The following CDKN1A variants were observed in gnomAD, a reference collection of about 807,000 sequenced individuals.
CDKN1A encodes the protein cyclin-dependent kinase inhibitor 1.
CDKN1A carries 14 observed loss-of-function variants against 14.8 expected under a neutral mutation model. That is an observed-to-expected ratio of 0.94 (90% CI 0.62 to 1.48). The LOEUF (loss-of-function observed/expected upper bound fraction) is 1.48. Among genes scored for constraint, CDKN1A ranks in the 40% most tolerant of loss-of-function variants. The pLI is 0.00. For synonymous variants in CDKN1A, 92 were observed against 93.5 expected (o/e 0.98, Z 0.09); for missense variants, 203 against 231.7 (o/e 0.88, Z 0.80).
Position 36,684,682 on chromosome 6 carries a change from C to T in CDKN1A, c.445+136C>T. Reference sequence around the variant, plus strand: ...CAGGCCCAGAGAGGGGAAGCAACCTCCCTGAGGTCACACAGCAAGTAGGCA... The same window carrying T: ...CAGGCCCAGAGAGGGGAAGCAACCTTCCTGAGGTCACACAGCAAGTAGGCA... On this transcript the variant is annotated intron_variant, in intron 2 of 2. Transcript: ENST00000244741. This position sits in a 1 kb window ranked among gnomAD's most constrained non-coding sequence, Gnocchi z 6.0. 1.2e-6 allele frequency: 1 copy of T among 809,598 alleles called. No individual in the cohort carries two copies. The highest frequency in any genetic ancestry group is 2.1e-6 in the Non-Finnish European group (1 of 486,110). 50.2% of individuals were successfully genotyped at this position (809,598 alleles called of 1,614,324 possible). A position where few individuals can be genotyped will look rare whatever the true frequency, so the allele number is the denominator to read the frequency against.
rs761004279 is a variant in CDKN1A, at chr6:36,684,533, G to T, written c.432G>T (p.Gln144His). The T allele has an allele frequency of 6.2e-7, 1 of 1,614,126 alleles. No homozygotes were observed. Among genetic ancestry groups the T allele is most frequent in the South Asian group, 1.1e-5 (1 of 91,064 alleles). Residue 144 changes from glutamine to histidine, a missense_variant, in exon 2 of 3, where the codon CAG becomes CAT. Physicochemically the swap from Gln to His is conservative, Grantham distance 24 (BLOSUM62 0). Transcript: ENST00000244741. The surrounding 1 kb of genome is among the most constrained non-coding windows in gnomAD (Gnocchi z 6.0). Reference sequence around the variant, plus strand: ...ACTCTCAGGGTCGAAAACGGCGGCAGACCAGCATGACAGGTGCGGACATGT... The same window carrying T: ...ACTCTCAGGGTCGAAAACGGCGGCATACCAGCATGACAGGTGCGGACATGT... ...PGDSQGRKRR[Q>H]TSMTDFYHSK... is the part of the protein sequence containing the mutation.
intron 1 of CDKN1A, among the ~76,000 whole-genome samples, chr6:36,683,562 T>G (rs1413145222): frequency 2.6e-5 from 4 of 152,262 alleles, no homozygotes; most frequent in Non-Finnish European, 5.9e-5. Flanking sequence ...GGGTGCTTTT[T>G]GCCCCAAAGT....
At position 36,685,938 on chromosome 6, in the gene CDKN1A, T is replaced by C; in HGVS notation, c.*138T>C. 1.2e-6 allele frequency: 1 copy of C among 850,584 alleles called. No homozygotes were observed. Among genetic ancestry groups the C allele is most frequent in the Non-Finnish European group, 2.0e-6 (1 of 510,518 alleles). 52.7% of individuals were successfully genotyped at this position (850,584 alleles called of 1,614,324 possible). On this transcript the variant is annotated 3_prime_UTR_variant, in exon 3 of 3. Transcript: ENST00000244741. ...TAAACACCTCCTCATGTACATACCC[T>C]GGCCGCCCCCTGCCCCCCAGCCTCT...
chr6:36,686,021 C>G lies in CDKN1A; in HGVS notation c.*221C>G. ...GTTGAATGAGAGGTTCCTAAGAGTG[C>G]TGGGCATTTTTATTTTATGAAATAC... On this transcript the variant is annotated 3_prime_UTR_variant, in exon 3 of 3. Coordinates refer to ENST00000244741, the MANE Select transcript of CDKN1A (RefSeq NM_000389.5). The surrounding 1 kb of genome is among the most constrained non-coding windows in gnomAD (Gnocchi z 4.9). The G allele has an allele frequency of 1.7e-6, 1 of 596,778 alleles. No individual in the cohort carries two copies. The highest frequency in any genetic ancestry group is 3.0e-6 in the Non-Finnish European group (1 of 335,554). 37.0% of individuals were successfully genotyped at this position (596,778 alleles called of 1,614,324 possible).
At position 36,687,329 on chromosome 6, in the gene CDKN1A, T is replaced by G; in HGVS notation, c.*1529T>G. ...TGCTCAATAAATGATTCTTAGTGAC[T>G]TTACTTGTAATATTACTATTGTGGT... On this transcript the variant is annotated 3_prime_UTR_variant, in exon 3 of 3. Coordinates refer to ENST00000244741, the MANE Select transcript of CDKN1A (RefSeq NM_000389.5). The G allele has an allele frequency of 4.3e-6, 1 of 230,698 alleles. No individual in the cohort carries two copies. The highest frequency in any genetic ancestry group is 8.6e-6 in the Non-Finnish European group (1 of 116,462). 14.3% of individuals were successfully genotyped at this position (230,698 alleles called of 1,614,324 possible).
rs1284059794 is a variant in CDKN1A at position 36,678,717 on chromosome 6, G to A, written c.-87G>A. The A allele has an allele frequency of 1.0e-6, 1 of 985,426 alleles. No individual in the cohort carries two copies. The highest frequency in any genetic ancestry group is 1.2e-6 in the Non-Finnish European group (1 of 830,004). 61.0% of individuals were successfully genotyped at this position (985,426 alleles called of 1,614,324 possible). ...GCCGCGCTGAGCTGCGCCAGCTGAG[G>A]TGTGAGCAGCTGCCGAAGTCAGTTC... On this transcript the variant is annotated 5_prime_UTR_variant, in exon 1 of 3. In the 5' UTR this introduces an upstream ATG that the reference lacks. Coordinates refer to ENST00000244741, the MANE Select transcript of CDKN1A (RefSeq NM_000389.5). The surrounding 1 kb of genome is among the most constrained non-coding windows in gnomAD (Gnocchi z 5.7).
intron 1 of CDKN1A, among the ~76,000 whole-genome samples, chr6:36,679,866 T>C (rs1207691224): frequency 2.6e-5 from 1 of 38,258 alleles, no homozygotes; most frequent in African/African-American, 9.6e-5. Context: ...CTTTGAGGGG[T>C]GGGGGGTCTG....
intron 1 of CDKN1A, among the ~76,000 whole-genome samples, chr6:36,681,408 C>CT (rs1562038520): frequency 0.2 from 13,165 of 66,260 alleles, 1,458 homozygotes; most frequent in East Asian, 0.25. Context: ...TTTCTTTCTT[C>CT]CTTTCTCTTT....
rs763653680 is a variant in CDKN1A at position 36,685,748 on chromosome 6, C to T, written c.446-3C>T. On this transcript the variant is annotated splice_polypyrimidine_tract_variant and splice_region_variant and intron_variant, in intron 2 of 2. Transcript: ENST00000244741. ...CTGGCTGACTTCTGCTGTCTCTCCT[C>T]AGATTTCTACCACTCCAAACGCCGG... is the stretch of plus-strand genomic sequence containing the variant. 3.1e-6 allele frequency: 5 copies of T among 1,614,038 alleles called. No homozygotes were observed. In the East Asian group the frequency reaches 1.1e-4, roughly 36 times the overall value.
rs374965936 is a variant in CDKN1A, at chr6:36,684,348, C to A, written c.247C>A (p.Arg83=). 1 of 1,613,358 alleles carries A rather than the reference C, an allele frequency of 6.2e-7. No homozygotes were observed. The highest frequency in any genetic ancestry group is 1.7e-5 in the Admixed American group (1 of 59,978). Residue 83 remains arginine, a synonymous_variant, in exon 2 of 3, where the codon CGG becomes AGG. Coordinates refer to ENST00000244741, the MANE Select transcript of CDKN1A (RefSeq NM_000389.5). This position sits in a 1 kb window ranked among gnomAD's most constrained non-coding sequence, Gnocchi z 6.0. ...CAAGCTCTACCTTCCCACGGGGCCCCGGCGAGGCCGGGATGAGTTGGGAGG... is the reference window on the plus strand; with the variant it reads ...CAAGCTCTACCTTCCCACGGGGCCCAGGCGAGGCCGGGATGAGTTGGGAGG... ...LPKLYLPTGP[R]RGRDELGGGR...
At chr6:36,679,752 C>A (rs928174674) in intron 1 of CDKN1A, among the ~76,000 whole-genome samples, 4 of 152,038 alleles carry the variant, frequency 2.6e-5, no homozygotes, top group Non-Finnish European at 5.9e-5. Flanking sequence ...TCTTTCCCAC[C>A]GCGGCCGGGA....
upstream of CDKN1A, chr6:36,676,589 C>G (rs532041211): frequency 1.3e-5 from 2 of 152,344 alleles, no homozygotes; most frequent in South Asian, 4.1e-4. Flanking sequence ...TAGCCTGTTA[C>G]TCTGAACAGG....
Position 36,681,694 on chromosome 6 carries a change from G to A in CDKN1A, c.-5-2403G>A, listed in dbSNP as rs373393433. Reference sequence around the variant, plus strand: ...TGCAAGCTCCGCCTCCCGGGTTCACGCCATTCTCCTGCCTCAGCCTCCCGA... The same window carrying A: ...TGCAAGCTCCGCCTCCCGGGTTCACACCATTCTCCTGCCTCAGCCTCCCGA... On this transcript the variant is annotated intron_variant, in intron 1 of 2. Coordinates refer to ENST00000244741, the MANE Select transcript of CDKN1A (RefSeq NM_000389.5). Among the ~76,000 whole-genome samples the A allele has an allele frequency of 3.5e-5, 5 of 143,388 alleles. No homozygotes were observed. In the East Asian group the frequency reaches 6.5e-4, roughly 19 times the overall value. The allele number at this position is 143,388 out of a possible 152,430, so 94.1% of individuals were successfully genotyped here.
chr6:36,681,312 C>CTT (rs1201606677), intron 1 of CDKN1A, among the ~76,000 whole-genome samples: 46 of 124,920 alleles, frequency 3.7e-4, no homozygotes, highest in African/African-American at 1.3e-3. Flanking sequence ...TTCTTTCTTT[C>CTT]TTTCTTTCTT....
At chr6:36,681,697 A>G (rs1322081119) in intron 1 of CDKN1A, among the ~76,000 whole-genome samples, 1 of 139,738 alleles carries the variant, frequency 7.2e-6, no homozygotes, top group Non-Finnish European at 1.5e-5. Context: ...GGTTCACGCC[A>G]TTCTCCTGCC....
In CDKN1A at chr6:36,684,639, G is replaced by T; in HGVS notation, c.445+93G>T. 1 of 1,277,758 alleles carries T rather than the reference G, an allele frequency of 7.8e-7. No homozygotes were observed. The highest frequency in any genetic ancestry group is 1.2e-5 in the South Asian group (1 of 80,942). 79.2% of individuals were successfully genotyped at this position (1,277,758 alleles called of 1,614,324 possible). ...GACCTGTCTGGTCCTGGTCCAGCATGCTCCAGGTAGAAGGAAACAGGCCCA... is the reference window on the plus strand; with the variant it reads ...GACCTGTCTGGTCCTGGTCCAGCATTCTCCAGGTAGAAGGAAACAGGCCCA... On this transcript the variant is annotated intron_variant, in intron 2 of 2. Coordinates refer to ENST00000244741, the MANE Select transcript of CDKN1A (RefSeq NM_000389.5). This position sits in a 1 kb window ranked among gnomAD's most constrained non-coding sequence, Gnocchi z 6.0.
intron 1 of CDKN1A, chr6:36,679,082 C>T: frequency 1.3e-6 from 1 of 760,360 alleles, no homozygotes; most frequent in Non-Finnish European, 1.6e-6. Flanking sequence ...TCACGCTCCC[C>T]GCCCCTGGAA....
In CDKN1A at chr6:36,678,730, C is replaced by T. The variant is rs4647891; in HGVS notation, c.-74C>T. On this transcript the variant is annotated 5_prime_UTR_variant, in exon 1 of 3. Coordinates refer to ENST00000244741, the MANE Select transcript of CDKN1A (RefSeq NM_000389.5). The surrounding 1 kb of genome is among the most constrained non-coding windows in gnomAD (Gnocchi z 5.7). ...GCGCCAGCTGAGGTGTGAGCAGCTGCCGAAGTCAGTTCCTTGTGGAGCCGG... is the reference window on the plus strand; with the variant it reads ...GCGCCAGCTGAGGTGTGAGCAGCTGTCGAAGTCAGTTCCTTGTGGAGCCGG... The T allele has an allele frequency of 1.5e-4, 143 of 985,536 alleles. No homozygotes were observed. In the African/African-American group the frequency reaches 2.3e-3, roughly 16 times the overall value. The allele number at this position is 985,536 out of a possible 1,614,324, so 61.0% of individuals were successfully genotyped here.
intron 1 of CDKN1A, among the ~76,000 whole-genome samples, chr6:36,680,263 A>G (rs1041869542): frequency 7.1e-6 from 1 of 140,272 alleles, no homozygotes. Context: ...GATAAGGTGG[A>G]GGGGCCGGCT....
Sources: gnomAD v4.1 joint callset for allele counts (sites outside exome capture counted in the v4.1 genomes callset) on GRCh38, gnomAD v4.1.1 for gene constraint, Gnocchi (gnomAD v3.1) non-coding constraint, MANE v1.5 for transcripts, NCBI Gene and HGNC (gene_info 2026-07-23, HGNC 2026-07-21) for gene names.